INPP4B: variants seen among roughly 807,000 people sequenced by gnomAD.
INPP4B encodes the protein inositol polyphosphate-4-phosphatase type II B, also known as inositol polyphosphate 4-phosphatase type II.
INPP4B carries 55 observed loss-of-function variants against 122.5 expected under a neutral mutation model. The ratio of observed to expected loss-of-function variants is 0.45; its 90% CI spans 0.36 to 0.56. The LOEUF (loss-of-function observed/expected upper bound fraction) is 0.56. Among genes scored for constraint, INPP4B ranks in the 20% least tolerant of loss-of-function variants. The pLI is 0.00. For synonymous variants in INPP4B, 403 were observed against 388.7 expected (o/e 1.04, Z -0.43); for missense variants, 1,000 against 1,097.7 (o/e 0.91, Z 1.26).
chr4:142,831,571 TAA>T (rs1782142743), intron 1 of INPP4B, among the ~76,000 whole-genome samples: 1 of 152,226 alleles, frequency 6.6e-6, no homozygotes, highest in Non-Finnish European at 1.5e-5. Flanking sequence ...TCCATTAATT[TAA>T]AGAACATGGT....
chr4:142,545,210 G>T (rs2150049203), intron 2 of INPP4B, among the ~76,000 whole-genome samples: 1 of 152,276 alleles, frequency 6.6e-6, no homozygotes, highest in South Asian at 2.1e-4. Flanking sequence ...ATGAGGCAAA[G>T]ATTTAATGTA....
intron 2 of INPP4B, among the ~76,000 whole-genome samples, chr4:142,638,438 C>G (rs1749635277): frequency 6.6e-6 from 1 of 152,010 alleles, no homozygotes; most frequent in South Asian, 2.1e-4. Flanking sequence ...TTGAAAAGAT[C>G]ATCTTTGATC....
chr4:142,650,490 C>A (rs761564059), intron 2 of INPP4B, among the ~76,000 whole-genome samples: 2 of 150,442 alleles, frequency 1.3e-5, no homozygotes, highest in Admixed American at 6.6e-5. Flanking sequence ...TACAGAGACA[C>A]ATATAGGCTC....
At chr4:142,811,086 T>C (rs1357823869) in intron 1 of INPP4B, among the ~76,000 whole-genome samples, 1 of 152,208 alleles carries the variant, frequency 6.6e-6, no homozygotes, top group Non-Finnish European at 1.5e-5. Flanking sequence ...CTACACTTAC[T>C]GTCTTATAAG....
Position 142,112,614 on chromosome 4 carries a change from T to C in INPP4B, c.2204A>G (p.Glu735Gly), listed in dbSNP as rs771514680. 1 of 1,613,288 alleles carries C rather than the reference T, an allele frequency of 6.2e-7. No homozygotes were observed. The highest frequency in any genetic ancestry group is 1.1e-5 in the South Asian group (1 of 91,054). ...MFESLPLQIKEGQLLHVYPVL... is the reference protein window; with the variant it reads ...MFESLPLQIKGGQLLHVYPVL... ...TGGATACACATGAAGCAACTGTCCT[T>C]CTTTAATCTGTAGAGGTAGTGACTC... Residue 735 changes from glutamate to glycine, a missense_variant, in exon 22 of 26, where the codon GAA becomes GGA. Coordinates refer to ENST00000262992, the MANE Select transcript of INPP4B (RefSeq NM_001101669.3).
chr4:142,493,786 G>A (rs1822177799), intron 2 of INPP4B, among the ~76,000 whole-genome samples: 1 of 152,138 alleles, frequency 6.6e-6, no homozygotes, highest in African/African-American at 2.4e-5. Context: ...GCTTGAATGA[G>A]CTAAGACTTT....
At chr4:142,254,224 C>A (rs1186342157) in intron 11 of INPP4B, among the ~76,000 whole-genome samples, 2 of 151,962 alleles carry the variant, frequency 1.3e-5, no homozygotes, top group African/African-American at 2.4e-5. Flanking sequence ...CTTCAAAGAC[C>A]AAAAGTAGAT....
chr4:142,537,161 T>C (rs1828299675), intron 2 of INPP4B, among the ~76,000 whole-genome samples: 1 of 151,834 alleles, frequency 6.6e-6, no homozygotes, highest in African/African-American at 2.4e-5. Flanking sequence ...TTTGGTGATA[T>C]ATATTCAAAC....
At chr4:142,199,617 T>G (rs1026363959) in intron 14 of INPP4B, among the ~76,000 whole-genome samples, 5 of 152,068 alleles carry the variant, frequency 3.3e-5, no homozygotes, top group African/African-American at 9.7e-5. Flanking sequence ...CTGTCAGGTC[T>G]TCTCAAGCTC....
intron 16 of INPP4B, among the ~76,000 whole-genome samples, chr4:142,164,878 G>A (rs1452205714): frequency 6.6e-6 from 1 of 151,718 alleles, no homozygotes; most frequent in East Asian, 1.9e-4. Flanking sequence ...GATTAAAAAC[G>A]TGAGCTACTG....
intron 2 of INPP4B, among the ~76,000 whole-genome samples, chr4:142,511,658 T>C (rs1242954881): frequency 2.0e-5 from 3 of 152,130 alleles, no homozygotes; most frequent in African/African-American, 7.2e-5. Context: ...CCAGATCAAC[T>C]AAATCAGAAT....
At chr4:142,378,760 A>C (rs1792939497) in intron 7 of INPP4B, among the ~76,000 whole-genome samples, 1 of 152,200 alleles carries the variant, frequency 6.6e-6, no homozygotes, top group Non-Finnish European at 1.5e-5. Flanking sequence ...AATTTTGTGA[A>C]TATCACTCAA....
chr4:142,707,333 C>G (rs145668048), intron 2 of INPP4B, among the ~76,000 whole-genome samples: 1 of 152,212 alleles, frequency 6.6e-6, no homozygotes, highest in African/African-American at 2.4e-5. Context: ...CACCTTTTTT[C>G]CTAATGCAGT....
intron 2 of INPP4B, among the ~76,000 whole-genome samples, chr4:142,580,961 T>C (rs1428174957): frequency 1.3e-5 from 2 of 152,044 alleles, no homozygotes; most frequent in Non-Finnish European, 2.9e-5. Flanking sequence ...GTACAATATG[T>C]ATAGGATTTA....
chr4:142,294,632 T>A (rs1757791697), intron 9 of INPP4B, among the ~76,000 whole-genome samples: 1 of 151,132 alleles, frequency 6.6e-6, no homozygotes. Context: ...TCAAAAAGCA[T>A]GAGAATAGGG....
chr4:142,344,084 G>C (rs1156762973), intron 7 of INPP4B, among the ~76,000 whole-genome samples: 1 of 151,922 alleles, frequency 6.6e-6, no homozygotes, highest in Non-Finnish European at 1.5e-5. Context: ...ATGTGTTTTG[G>C]TTATCTTTCT....
At chr4:142,715,010 C>G (rs1363929062) in intron 2 of INPP4B, among the ~76,000 whole-genome samples, 1 of 152,110 alleles carries the variant, frequency 6.6e-6, no homozygotes, top group Non-Finnish European at 1.5e-5. Context: ...GAAAGTCTAC[C>G]AAAGGTAGTC....
intron 2 of INPP4B, among the ~76,000 whole-genome samples, chr4:142,611,309 C>A (rs1026017868): frequency 2.0e-5 from 3 of 152,260 alleles, no homozygotes; most frequent in East Asian, 3.9e-4. Flanking sequence ...AGCCAGGTTC[C>A]GCCTCCAACA....
chr4:142,304,604 C>A (rs375291415), intron 9 of INPP4B, among the ~76,000 whole-genome samples: 1 of 151,960 alleles, frequency 6.6e-6, no homozygotes, highest in African/African-American at 2.4e-5. Context: ...GGGTCCTTGG[C>A]GGAAGGGGAC....
Sources: allele counts gnomAD v4.1 joint callset (sites outside exome capture counted in the v4.1 genomes callset), GRCh38; gene constraint gnomAD v4.1.1; transcripts MANE v1.5; gene names NCBI Gene and HGNC (gene_info 2026-07-23, HGNC 2026-07-21).